The following PEX6 variants were observed in gnomAD, a reference collection of about 807,000 sequenced individuals.
PEX6 encodes peroxisome biogenesis factor 6.
In PEX6, 55 loss-of-function variants were observed where a neutral mutation model predicts 85.6. The ratio of observed to expected loss-of-function variants is 0.64; its 90% confidence interval spans 0.52 to 0.80. The LOEUF (loss-of-function observed/expected upper bound fraction) is 0.80. Ranked by LOEUF, PEX6 falls within the 30% of genes least tolerant of loss-of-function variation. The probability of loss-of-function intolerance (pLI) is 0.00; values close to 1 mark genes in which losing one functional copy is unlikely to be tolerated. For synonymous variants in PEX6, 519 were observed against 549.1 expected (o/e 0.95, Z 0.77); for missense variants, 1,099 against 1,260.3 (o/e 0.87, Z 1.94).
At chr6:42,966,745 T>C in intron 9 of PEX6, 37 bp downstream of exon 9, 6 of 1,613,846 alleles carry the variant, frequency 3.7e-6, no homozygotes, top group Non-Finnish European at 5.1e-6. Context: ...TACATCCATT[T>C]CCTCTTTCCG....
intron 5 of PEX6, 57 bp from the exon 6 acceptor site, chr6:42,969,042 C>G: frequency 8.7e-7 from 1 of 1,145,822 alleles, no homozygotes; most frequent in East Asian, 2.4e-5. Flanking sequence ...TTAGAGTCCC[C>G]AGTAACACAA....
chr6:42,967,431 G>A lies in PEX6; in HGVS notation c.1821C>T (p.Ala607=), dbSNP rs201730259. The part of the protein sequence containing the change: ...SEGQRLSILR[A]LTAHLPLGQE... ...GGCCCAGGGGAAGGTGGGCAGTGAG[G>A]GCCCGCAGGATGCTGAGCCGCTGCC... The change falls in exon 8 of 17, where the codon GCC becomes GCT. Residue 607 remains alanine, a synonymous_variant. Transcript: ENST00000304611. The A allele has an allele frequency of 4.0e-5, 64 of 1,613,086 alleles. No individual in the cohort carries two copies. Among genetic ancestry groups the A allele is most frequent in the African/African-American group, 2.7e-5 (2 of 74,908 alleles).
intron 3 of PEX6, among the ~76,000 whole-genome samples, chr6:42,970,531 A>T (rs1240424891): frequency 3.3e-5 from 5 of 152,220 alleles, no homozygotes; most frequent in African/African-American, 1.2e-4. Context: ...ATATTATATG[A>T]TTCTATTCAG....
At chr6:42,974,507 G>A (rs146470876) in intron 2 of PEX6, among the ~76,000 whole-genome samples, 3 of 130,358 alleles carry the variant, frequency 2.3e-5, no homozygotes, top group African/African-American at 8.5e-5. Context: ...GCCCAGGCTA[G>A]AGTGCAGTGG....
In PEX6 at chr6:42,964,939, G is replaced by C; in HGVS notation, c.2667-10C>G. 6.2e-7 allele frequency: 1 copy of C among 1,614,118 alleles called. No homozygotes were observed. Among genetic ancestry groups the C allele is most frequent in the Non-Finnish European group, 8.5e-7 (1 of 1,180,034 alleles). ...TGGCTCTAGCTTGAATCTGTTGTGG[G>C]ATACAGGAAGAAACAGAGTTGGCAT... is the stretch of plus-strand genomic sequence containing the variant. On this transcript the variant is annotated splice_polypyrimidine_tract_variant and intron_variant, in intron 15 of 16. Coordinates refer to ENST00000304611, the MANE Select transcript of PEX6 (RefSeq NM_000287.4). The surrounding 1 kb of genome is among the most constrained non-coding windows in gnomAD (Gnocchi z 4.6).
chr6:42,975,762 G>C (rs1770269739), intron 1 of PEX6, among the ~76,000 whole-genome samples: 1 of 149,696 alleles, frequency 6.7e-6, no homozygotes, highest in African/African-American at 2.5e-5. Context: ...CCATGATGAA[G>C]TGCAGTGGCA....
chr6:42,974,120 A>G (rs763097396), intron 2 of PEX6, 34 bp from the exon 3 acceptor site: 9 of 1,503,808 alleles, frequency 6.0e-6, no homozygotes, highest in Middle Eastern at 1.8e-4. Context: ...TCAGGTCACA[A>G]TGGGAGTAAT....
At position 42,974,997 on chromosome 6, in the gene PEX6, GCT is replaced by G. The variant is rs1770229022; in HGVS notation, c.922_923del (p.Ser308LeufsTer26). On this transcript the variant is annotated frameshift_variant, in exon 2 of 17. Coordinates refer to ENST00000304611, the MANE Select transcript of PEX6 (RefSeq NM_000287.4). LOFTEE classifies it high-confidence loss of function. ...ATGGAGGCCCAGGCAGCAATGAGCAGCTTCCTTTGTCTTCAGGGGCGATGGAG... is the reference window on the plus strand; with the variant it reads ...ATGGAGGCCCAGGCAGCAATGAGCAGTCCTTTGTCTTCAGGGGCGATGGAG... ...EGSIAPEDKG[S>X]CSLLPGPPFA... 1 of 1,613,662 alleles carries G rather than the reference GCT, an allele frequency of 6.2e-7. No individual in the cohort carries two copies. Among genetic ancestry groups the G allele is most frequent in the Non-Finnish European group, 8.5e-7 (1 of 1,179,852 alleles).
At position 42,968,871 on chromosome 6, in the gene PEX6, C is replaced by G; in HGVS notation, c.1479+3G>C. On this transcript the variant is annotated splice_donor_region_variant and intron_variant, in intron 6 of 16. Coordinates refer to ENST00000304611, the MANE Select transcript of PEX6 (RefSeq NM_000287.4). ...TGGGGTTCTACTCTCCAGAGACCCT[C>G]ACCTTCAGTAAGTGGAGCCCAAGGT... 1 of 1,606,526 alleles carries G rather than the reference C, an allele frequency of 6.2e-7. No homozygotes were observed. Among genetic ancestry groups the G allele is most frequent in the Non-Finnish European group, 8.5e-7 (1 of 1,173,134 alleles).
At position 42,964,467 on chromosome 6, in the gene PEX6, C is replaced by T. The variant is rs1458911417; in HGVS notation, c.2811G>A (p.Leu937=). 6.2e-7 allele frequency: 1 copy of T among 1,613,196 alleles called. No homozygotes were observed. The highest frequency in any genetic ancestry group is 8.5e-7 in the Non-Finnish European group (1 of 1,179,990). The change falls in exon 17 of 17, where the codon CTG becomes CTA. Residue 937 remains leucine (L), a synonymous_variant. Coordinates refer to ENST00000304611, the MANE Select transcript of PEX6 (RefSeq NM_000287.4). The surrounding 1 kb of genome is among the most constrained non-coding windows in gnomAD (Gnocchi z 4.6). ...KRRVHDLEEG[L]EPGSSALMLT... is the part of the protein sequence containing the mutation. ...GCATCAGTGCTGAGCTACCTGGCTCCAGCCCTGGAGATGACAAGGTGGGGA... is the reference window on the plus strand; with the variant it reads ...GCATCAGTGCTGAGCTACCTGGCTCTAGCCCTGGAGATGACAAGGTGGGGA...
At chr6:42,966,934 G>T in intron 8 of PEX6, 76 bp from the exon 9 acceptor site, 1 of 1,036,402 alleles carries the variant, frequency 9.6e-7, no homozygotes, top group Non-Finnish European at 1.5e-6. Context: ...CCCAGCTAGA[G>T]CAGAGGCCCT....
chr6:42,977,388 G>T (rs1423385753), intron 1 of PEX6, among the ~76,000 whole-genome samples: 1 of 151,814 alleles, frequency 6.6e-6, no homozygotes, highest in Non-Finnish European at 1.5e-5. Context: ...AAGTAGCTGG[G>T]ATTACAGGCA....
chr6:42,968,612 G>A, intron 6 of PEX6, 114 bp from the exon 7 acceptor site: 1 of 980,134 alleles, frequency 1.0e-6, no homozygotes, highest in South Asian at 1.5e-5. Flanking sequence ...GGAGGGCAGG[G>A]ACAGGGAAGG....
intron 3 of PEX6, 102 bp downstream of exon 3, chr6:42,973,901 T>G (rs1340397362): frequency 1.2e-6 from 1 of 827,292 alleles, no homozygotes; most frequent in Non-Finnish European, 2.1e-6. Flanking sequence ...GACAACGAAA[T>G]CCTCTTGGGC....
At position 42,963,986 on chromosome 6, in the gene PEX6, A is replaced by G. The variant is rs1769607713; in HGVS notation, c.*349T>C. 1 of 514,050 alleles carries G rather than the reference A, an allele frequency of 1.9e-6. No individual in the cohort carries two copies. Among genetic ancestry groups the G allele is most frequent in the Non-Finnish European group, 3.4e-6 (1 of 292,466 alleles). The allele number at this position is 514,050 out of a possible 1,614,324, so 31.8% of individuals were successfully genotyped here. On this transcript the variant is annotated 3_prime_UTR_variant, in exon 17 of 17. Transcript: ENST00000304611. ...CACAACCCTGCTCTTTCTCACTCCA[A>G]CCTTTCATGCCACAACACCAGTAGG...
chr6:42,971,818 T>C lies in PEX6; in HGVS notation c.1131-1831A>G, dbSNP rs1368061201. ...AGAACTGGCTTGCCAGCCTGTCTCA[T>C]GAGGTTCTAGTGCCTATTTTCCTTT... is the stretch of plus-strand genomic sequence containing the variant. On this transcript the variant is annotated intron_variant, in intron 3 of 16. Transcript: ENST00000304611. The surrounding 1 kb of genome is among the most constrained non-coding windows in gnomAD (Gnocchi z 4.4). Among the ~76,000 whole-genome samples the C allele has an allele frequency of 6.6e-6, 1 of 152,250 alleles. No homozygotes were observed. The highest frequency in any genetic ancestry group is 6.5e-5 in the Admixed American group (1 of 15,288).
At chr6:42,968,012 T>C (rs558887138) in intron 7 of PEX6, among the ~76,000 whole-genome samples, 1 of 150,338 alleles carries the variant, frequency 6.7e-6, no homozygotes, top group Admixed American at 6.6e-5. Flanking sequence ...AATGGTATGA[T>C]TTTGGCTCAC....
rs927605129 is a variant in PEX6, at chr6:42,964,112, C to T, written c.*223G>A. On this transcript the variant is annotated 3_prime_UTR_variant, in exon 17 of 17. Coordinates refer to ENST00000304611, the MANE Select transcript of PEX6 (RefSeq NM_000287.4). The surrounding 1 kb of genome is among the most constrained non-coding windows in gnomAD (Gnocchi z 4.6). ...CCTCTTCCTGAGTAGATGGGCCTTT[C>T]TCTTAGAGCCGGCCTGGAAGGAGGG... 1 of 605,846 alleles carries T rather than the reference C, an allele frequency of 1.7e-6. No homozygotes were observed. The highest frequency in any genetic ancestry group is 1.9e-5 in the African/African-American group (1 of 54,002). The allele number at this position is 605,846 out of a possible 1,614,324, so 37.5% of individuals were successfully genotyped here.
In PEX6 at chr6:42,965,738, AGTTCATCAAAGAAGAT is replaced by A. The variant is rs747460580; in HGVS notation, c.2398_2413del (p.Ile800TrpfsTer17). 18 of 1,613,992 alleles carry A rather than the reference AGTTCATCAAAGAAGAT, an allele frequency of 1.1e-5. No homozygotes were observed. The African/African-American group carries it at 2.1e-4, about 19-fold the overall frequency. ...CCCCCGGCTTGGGGCCAAAGAGTCC[AGTTCATCAAAGAAGAT>A]AATGCATGGAGCTGCAGCCCTGGCC... On this transcript the variant is annotated frameshift_variant, in exon 13 of 17. Coordinates refer to ENST00000304611, the MANE Select transcript of PEX6 (RefSeq NM_000287.4). LOFTEE classifies it high-confidence loss of function. This position sits in a 1 kb window ranked among gnomAD's most constrained non-coding sequence, Gnocchi z 5.0.
Sources: gnomAD v4.1 joint callset for allele counts (sites outside exome capture counted in the v4.1 genomes callset) on GRCh38, gnomAD v4.1.1 for gene constraint, Gnocchi (gnomAD v3.1) non-coding constraint, MANE v1.5 for transcripts, NCBI Gene and HGNC (gene_info 2026-07-23, HGNC 2026-07-21) for gene names.